EPHA3: variants seen among roughly 807,000 people sequenced by gnomAD.
EPHA3 encodes the protein ephrin type-A receptor 3.
In EPHA3, 42 loss-of-function variants were observed where a neutral mutation model predicts 107.1. The ratio of observed to expected loss-of-function variants is 0.39; its 90% CI spans 0.31 to 0.51. The LOEUF (loss-of-function observed/expected upper bound fraction) is 0.51. Among genes scored for constraint, EPHA3 ranks in the 20% least tolerant of loss-of-function variants. EPHA3 has a pLI of 0.78. For missense variants in EPHA3, 1,183 were observed against 1,211.2 expected (o/e 0.98, Z 0.35); for synonymous variants, 461 against 424.8 (o/e 1.09, Z -1.05).
intron 10 of EPHA3, 106 bp from the exon 11 acceptor site, chr3:89,419,099 G>T: frequency 8.4e-7 from 1 of 1,194,422 alleles, no homozygotes; most frequent in Non-Finnish European, 1.2e-6. Flanking sequence ...CAGGTCAAAG[G>T]CACAAATATT....
At chr3:89,241,048 A>G (rs1258911069) in intron 3 of EPHA3, among the ~76,000 whole-genome samples, 1 of 152,006 alleles carries the variant, frequency 6.6e-6, no homozygotes, top group Non-Finnish European at 1.5e-5. Flanking sequence ...CCTGAAGAAC[A>G]CATTATATAC....
At chr3:89,392,682 CA>C (rs1261496184) in intron 5 of EPHA3, among the ~76,000 whole-genome samples, 4 of 152,006 alleles carry the variant, frequency 2.6e-5, no homozygotes, top group Non-Finnish European at 1.5e-5. Context: ...ATAAATCTGT[CA>C]TACAGTGTAC....
At chr3:89,457,486 T>C (rs1472580203) in intron 15 of EPHA3, among the ~76,000 whole-genome samples, 1 of 152,178 alleles carries the variant, frequency 6.6e-6, no homozygotes, top group African/African-American at 2.4e-5. Flanking sequence ...TATGCGCTCC[T>C]CATGATAATC....
chr3:89,353,387 T>G (rs1370921774), intron 5 of EPHA3, among the ~76,000 whole-genome samples: 2 of 151,440 alleles, frequency 1.3e-5, no homozygotes, highest in Admixed American at 1.3e-4. Flanking sequence ...TTTAGTAATG[T>G]TCTATGATGC....
chr3:89,397,469 T>A (rs1708872204), intron 6 of EPHA3, among the ~76,000 whole-genome samples: 1 of 152,138 alleles, frequency 6.6e-6, no homozygotes, highest in Non-Finnish European at 1.5e-5. Context: ...AACATTTAGA[T>A]CTATGAGGTT....
intron 5 of EPHA3, among the ~76,000 whole-genome samples, chr3:89,394,433 C>T (rs1708808229): frequency 6.6e-6 from 1 of 152,122 alleles, no homozygotes; most frequent in South Asian, 2.1e-4. Flanking sequence ...GTCATCATTC[C>T]CAGGCCAATC....
intron 5 of EPHA3, among the ~76,000 whole-genome samples, chr3:89,375,739 C>A (rs1437897829): frequency 6.6e-6 from 1 of 151,792 alleles, no homozygotes; most frequent in Non-Finnish European, 1.5e-5. Flanking sequence ...GGAAAGTTGC[C>A]CATATAGTAA....
chr3:89,313,793 A>T (rs1036937315), intron 3 of EPHA3, among the ~76,000 whole-genome samples: 4 of 151,956 alleles, frequency 2.6e-5, no homozygotes, highest in Non-Finnish European at 5.9e-5. Context: ...AAAAATTATC[A>T]CTTCCCCATT....
intron 1 of EPHA3, among the ~76,000 whole-genome samples, chr3:89,120,775 C>A (rs767457682): frequency 6.6e-5 from 10 of 152,090 alleles, no homozygotes; most frequent in Non-Finnish European, 1.2e-4. Context: ...ATTGCAATTT[C>A]TTCTATAAGA....
intron 3 of EPHA3, among the ~76,000 whole-genome samples, chr3:89,287,326 T>C (rs1411027116): frequency 3.9e-5 from 6 of 152,166 alleles, no homozygotes; most frequent in Non-Finnish European, 8.8e-5. Flanking sequence ...CCAAAGTTTA[T>C]GTGAAGAATG....
At chr3:89,421,976 T>C (rs1035471853) in intron 11 of EPHA3, among the ~76,000 whole-genome samples, 9 of 151,256 alleles carry the variant, frequency 6.0e-5, no homozygotes, top group African/African-American at 2.2e-4. Context: ...AGTTCTAAAT[T>C]TGATATATCT....
At chr3:89,289,044 A>G (rs1369218279) in intron 3 of EPHA3, among the ~76,000 whole-genome samples, 2 of 152,156 alleles carry the variant, frequency 1.3e-5, no homozygotes, top group Admixed American at 1.3e-4. Context: ...GTCTTTACCT[A>G]TACTAATCCA....
intron 3 of EPHA3, among the ~76,000 whole-genome samples, chr3:89,308,880 G>C (rs959158380): frequency 2.0e-5 from 3 of 152,060 alleles, no homozygotes; most frequent in African/African-American, 7.2e-5. Flanking sequence ...GATGACAAAG[G>C]CAATGGATTC....
At chr3:89,242,659 G>A (rs182956143) in intron 3 of EPHA3, among the ~76,000 whole-genome samples, 2 of 151,962 alleles carry the variant, frequency 1.3e-5, no homozygotes, top group Non-Finnish European at 2.9e-5. Flanking sequence ...GGATGGTCTC[G>A]ATCTCCTGAC....
At chr3:89,270,798 G>T (rs1381572177) in intron 3 of EPHA3, among the ~76,000 whole-genome samples, 1 of 151,842 alleles carries the variant, frequency 6.6e-6, no homozygotes, top group East Asian at 1.9e-4. Context: ...AACACACTGG[G>T]CTCCTCTAGC....
intron 2 of EPHA3, among the ~76,000 whole-genome samples, chr3:89,134,211 CTTTTT>C (rs79688748): frequency 1.3e-3 from 186 of 145,550 alleles, no homozygotes; most frequent in South Asian, 8.2e-3. Context: ...TGTCAACTTT[CTTTTT>C]TTTTTTTTAA....
At chr3:89,369,004 T>C (rs1576340247) in intron 5 of EPHA3, among the ~76,000 whole-genome samples, 1 of 150,590 alleles carries the variant, frequency 6.6e-6, no homozygotes, top group Middle Eastern at 3.4e-3. Flanking sequence ...GACTCACAAT[T>C]TGAACTCAAG....
intron 3 of EPHA3, among the ~76,000 whole-genome samples, chr3:89,271,653 TA>T (rs1444613508): frequency 2.0e-5 from 3 of 151,784 alleles, no homozygotes; most frequent in Non-Finnish European, 4.4e-5. Flanking sequence ...TTGATTGTAA[TA>T]TGTTGAAATA....
At chr3:89,442,228 A>G (rs1709800144) in intron 13 of EPHA3, among the ~76,000 whole-genome samples, 1 of 152,302 alleles carries the variant, frequency 6.6e-6, no homozygotes, top group African/African-American at 2.4e-5. Context: ...GGATATTATT[A>G]CATCATCAAA....
Sources: gnomAD v4.1 joint callset for allele counts (sites outside exome capture counted in the v4.1 genomes callset) on GRCh38, gnomAD v4.1.1 for gene constraint, MANE v1.5 for transcripts, NCBI Gene and HGNC (gene_info 2026-07-23, HGNC 2026-07-21) for gene names.